Variants in ATP11A observed in about 807,000 individuals in gnomAD.
ATP11A encodes phospholipid-transporting ATPase IH.
Under a neutral mutation model 154.4 loss-of-function variants are expected in ATP11A, and 81 were observed. That is an observed-to-expected ratio of 0.52 (90% CI 0.44 to 0.63). The LOEUF (loss-of-function observed/expected upper bound fraction) is 0.63. Ranked by LOEUF, ATP11A falls within the 30% of genes least tolerant of loss-of-function variation. The pLI is 0.00. For missense variants in ATP11A, 1,316 were observed against 1,474.3 expected (o/e 0.89, Z 1.76); for synonymous variants, 623 against 585.9 (o/e 1.06, Z -0.91).
At chr13:112,751,529 G>A (rs1157097653) in intron 1 of ATP11A, among the ~76,000 whole-genome samples, 2 of 151,950 alleles carry the variant, frequency 1.3e-5, no homozygotes, top group Non-Finnish European at 2.9e-5. Context: ...ATGTGGTGAC[G>A]CGCACCTGTA....
chr13:112,778,717 T>TGAG (rs1475888977), intron 1 of ATP11A, among the ~76,000 whole-genome samples: 49 of 107,652 alleles, frequency 4.6e-4, no homozygotes, highest in African/African-American at 2.0e-3. Context: ...GCCGCTGGAG[T>TGAG]GAGTAGCCGC....
rs1885085766 is a variant in ATP11A, at chr13:112,690,916, T to C, written c.39+461T>C. Among the ~76,000 whole-genome samples, 1 of 152,208 alleles carries C rather than the reference T, an allele frequency of 6.6e-6. No individual in the cohort carries two copies. Among genetic ancestry groups the C allele is most frequent in the African/African-American group, 2.4e-5 (1 of 41,470 alleles). On this transcript the variant is annotated intron_variant, in intron 1 of 29. Coordinates refer to ENST00000375645, the MANE Select transcript of ATP11A (RefSeq NM_015205.3). This position sits in a 1 kb window ranked among gnomAD's most constrained non-coding sequence, Gnocchi z 5.6. ...GGATTGGGAGGAAGCGTTACACTTC[T>C]GCAGAAAAAGGTAGCAATTGTGTTT...
intron 16 of ATP11A, among the ~76,000 whole-genome samples, chr13:112,836,917 C>A (rs1389939851): frequency 6.6e-6 from 1 of 152,242 alleles, no homozygotes; most frequent in African/African-American, 2.4e-5. Flanking sequence ...GTGGATGCAT[C>A]TGTGGTCCCC....
chr13:112,762,801 G>A (rs765197929), intron 1 of ATP11A, among the ~76,000 whole-genome samples: 5 of 152,206 alleles, frequency 3.3e-5, no homozygotes, highest in Non-Finnish European at 7.3e-5. Context: ...AAATGCTCAC[G>A]GTATGACGGG....
intron 16 of ATP11A, among the ~76,000 whole-genome samples, chr13:112,842,022 C>T (rs79950437): frequency 0.022 from 3,334 of 152,280 alleles, 129 homozygotes; most frequent in African/African-American, 0.076. Context: ...AACAGAGTCC[C>T]GGAGCCAAGT....
intron 28 of ATP11A, among the ~76,000 whole-genome samples, chr13:112,876,354 A>T (rs965238474): frequency 2.6e-5 from 4 of 151,792 alleles, no homozygotes; most frequent in Non-Finnish European, 4.4e-5. Flanking sequence ...TATTTTACAC[A>T]CTCCCAAGTT....
At chr13:112,788,241 T>C (rs563689789) in intron 2 of ATP11A, among the ~76,000 whole-genome samples, 5 of 150,368 alleles carry the variant, frequency 3.3e-5, no homozygotes, top group African/African-American at 9.9e-5. Context: ...TCCTGACGTG[T>C]AGACTCCTGT....
chr13:112,690,400 G>A lies in ATP11A; in HGVS notation c.-17G>A, dbSNP rs1885005497. The A allele has an allele frequency of 7.7e-7, 1 of 1,296,144 alleles. No individual in the cohort carries two copies. The allele number at this position is 1,296,144 out of a possible 1,614,324, so 80.3% of individuals were successfully genotyped here. ...GCGGGGGCGCTGAACGGCGGAGCGG[G>A]AGCGGCCGGAGGAGCCATGGACTGC... On this transcript the variant is annotated 5_prime_UTR_variant, in exon 1 of 30. Transcript: ENST00000375645. The surrounding 1 kb of genome is among the most constrained non-coding windows in gnomAD (Gnocchi z 5.6).
Position 112,826,902 on chromosome 13 carries a change from C to T in ATP11A, c.1221+11C>T, listed in dbSNP as rs903152817. 1 of 1,614,028 alleles carries T rather than the reference C, an allele frequency of 6.2e-7. No individual in the cohort carries two copies. The highest frequency in any genetic ancestry group is 1.7e-5 in the Admixed American group (1 of 60,026). ...GAAGAGCTGGGACAGGTTGGTGTCT[C>T]CTGAGTCATCTGCTGTGATTTATTA... On this transcript the variant is annotated intron_variant, in intron 12 of 29. Coordinates refer to ENST00000375645, the MANE Select transcript of ATP11A (RefSeq NM_015205.3).
chr13:112,764,932 C>G (rs894888759), intron 1 of ATP11A, among the ~76,000 whole-genome samples: 1 of 152,184 alleles, frequency 6.6e-6, no homozygotes, highest in Non-Finnish European at 1.5e-5. Context: ...GGTAGAAGCC[C>G]CGACACTTGC....
In ATP11A at chr13:112,886,633, T is replaced by C. The variant is rs144126504; in HGVS notation, c.*4767T>C. On this transcript the variant is annotated 3_prime_UTR_variant, in exon 30 of 30. Transcript: ENST00000375645. The stretch of plus-strand genomic sequence containing the variant: ...TTGATGGGATATGTTAGAAGTGTCA[T>C]GAAAGTGTGATTCTACTTTTGCAGA... The C allele has an allele frequency of 6.5e-6, 1 of 152,696 alleles. No individual in the cohort carries two copies. The highest frequency in any genetic ancestry group is 1.9e-4 in the East Asian group (1 of 5,184). 9.5% of individuals were successfully genotyped at this position (152,696 alleles called of 1,614,324 possible). A position where few individuals can be genotyped will look rare whatever the true frequency, so the allele number is the denominator to read the frequency against.
rs776918139 is a variant in ATP11A at position 112,819,957 on chromosome 13, G to A, written c.725+7G>A. The A allele has an allele frequency of 6.3e-7, 1 of 1,588,356 alleles. No homozygotes were observed. Among genetic ancestry groups the A allele is most frequent in the Non-Finnish European group, 8.6e-7 (1 of 1,166,584 alleles). On this transcript the variant is annotated splice_region_variant and intron_variant, in intron 8 of 29. Coordinates refer to ENST00000375645, the MANE Select transcript of ATP11A (RefSeq NM_015205.3). ...TGAATGACCCCGTGGTGAGGTGAGT[G>A]CCTCTGCGGATGCCTTGGCCACGGT...
chr13:112,724,957 C>T (rs1048271918), intron 1 of ATP11A, among the ~76,000 whole-genome samples: 2 of 152,210 alleles, frequency 1.3e-5, no homozygotes, highest in African/African-American at 2.4e-5. Flanking sequence ...TGCCTGTGGT[C>T]CCCTGTGTGG....
At chr13:112,699,193 A>G (rs1007724215) in intron 1 of ATP11A, among the ~76,000 whole-genome samples, 26 of 152,210 alleles carry the variant, frequency 1.7e-4, no homozygotes, top group African/African-American at 6.3e-4. Flanking sequence ...GCCTTTCCTT[A>G]CAGTTTTTCT....
intron 1 of ATP11A, among the ~76,000 whole-genome samples, chr13:112,741,890 T>G (rs963980281): frequency 6.6e-6 from 1 of 152,054 alleles, no homozygotes; most frequent in Non-Finnish European, 1.5e-5. Flanking sequence ...CCCCCAAAGA[T>G]TGCTCCTCTT....
intron 1 of ATP11A, among the ~76,000 whole-genome samples, chr13:112,751,919 A>C (rs2076702280): frequency 6.6e-6 from 1 of 152,188 alleles, no homozygotes; most frequent in Admixed American, 6.5e-5. Context: ...GTATACACAT[A>C]CACACATGCG....
intron 13 of ATP11A, among the ~76,000 whole-genome samples, chr13:112,832,083 G>A (rs980059369): frequency 3.3e-5 from 5 of 150,256 alleles, no homozygotes; most frequent in South Asian, 2.1e-4. Flanking sequence ...AGACACACAC[G>A]TACTCTCACA....
intron 1 of ATP11A, among the ~76,000 whole-genome samples, chr13:112,692,853 G>A (rs1885360582): frequency 6.6e-6 from 1 of 152,168 alleles, no homozygotes. Flanking sequence ...CACTATGTAG[G>A]ACTAAATTAT....
At chr13:112,834,277 G>A (rs1320850584) in intron 14 of ATP11A, among the ~76,000 whole-genome samples, 4 of 152,198 alleles carry the variant, frequency 2.6e-5, no homozygotes, top group African/African-American at 7.2e-5. Flanking sequence ...AAGTGTCATC[G>A]AAGCAAGGAT....
Sources: allele counts gnomAD v4.1 joint callset (sites outside exome capture counted in the v4.1 genomes callset), GRCh38; gene constraint gnomAD v4.1.1; non-coding constraint Gnocchi (gnomAD v3.1); transcripts MANE v1.5; gene names NCBI Gene and HGNC (gene_info 2026-07-23, HGNC 2026-07-21).